Variants in PRR5L observed in about 807,000 individuals in gnomAD.
The protein encoded by PRR5L is proline rich 5 like, also known as proline-rich protein 5-like.
In PRR5L, 21 loss-of-function variants were observed where a neutral mutation model predicts 36.4. That is an observed-to-expected ratio of 0.58 (90% CI 0.41 to 0.83). The LOEUF is 0.83. Among genes scored for constraint, PRR5L ranks in the 40% least tolerant of loss-of-function variants. The pLI, the probability that PRR5L is intolerant of heterozygous loss-of-function variation, is 0.00. For missense variants in PRR5L, 381 were observed against 473.3 expected, an observed-to-expected ratio of 0.80 and a Z score of 1.81; for synonymous variants, 188 against 197.0, an observed-to-expected ratio of 0.95 and a Z score of 0.38.
chr11:36,326,492 CA>C (rs1856664294), intron 1 of PRR5L, among the ~76,000 whole-genome samples: 1 of 151,432 alleles, frequency 6.6e-6, no homozygotes, highest in African/African-American at 2.5e-5. Context: ...AGATCCAAAC[CA>C]AAATTACATT....
chr11:36,445,509 G>A (rs1240843366), intron 6 of PRR5L, among the ~76,000 whole-genome samples: 1 of 152,092 alleles, frequency 6.6e-6, no homozygotes, highest in Non-Finnish European at 1.5e-5. Context: ...AAAGGAGACT[G>A]AAAAGTGCAC....
rs541924176 is a variant in PRR5L at position 36,358,642 on chromosome 11, C to A, written c.-125-42355C>A. 7.9e-5 allele frequency among the ~76,000 whole-genome samples: 12 copies of A among 152,264 alleles called. No individual in the cohort carries two copies. The East Asian group carries it at 1.5e-3, about 20-fold the overall frequency. Reference sequence around the variant, plus strand: ...TCACTTTATTGCTATGGTCTGGAACCAAACCTGCAATATCTCCAAGGTACG... The same window carrying A: ...TCACTTTATTGCTATGGTCTGGAACAAAACCTGCAATATCTCCAAGGTACG... On this transcript the variant is annotated intron_variant, in intron 1 of 8. Coordinates refer to ENST00000530639, the MANE Select transcript of PRR5L (RefSeq NM_001160167.2).
chr11:36,360,637 G>C (rs1857077280), intron 1 of PRR5L, among the ~76,000 whole-genome samples: 1 of 152,244 alleles, frequency 6.6e-6, no homozygotes. Context: ...AAATGCATGT[G>C]TGTGTGTATG....
chr11:36,433,289 C>G (rs749275105), intron 5 of PRR5L, among the ~76,000 whole-genome samples: 1 of 152,052 alleles, frequency 6.6e-6, no homozygotes, highest in Non-Finnish European at 1.5e-5. Context: ...CGACAGCCAC[C>G]ATCTTATTTT....
intron 1 of PRR5L, among the ~76,000 whole-genome samples, chr11:36,384,082 T>C (rs1857416807): frequency 6.6e-6 from 1 of 152,230 alleles, no homozygotes; most frequent in Admixed American, 6.5e-5. Flanking sequence ...TGAAATGTGA[T>C]ATTTTCATCC....
intron 4 of PRR5L, among the ~76,000 whole-genome samples, chr11:36,428,951 A>G (rs1422829245): frequency 1.3e-5 from 2 of 152,212 alleles, no homozygotes; most frequent in Non-Finnish European, 2.9e-5. Flanking sequence ...GGTCTAAGCT[A>G]TAGAATTTCC....
intron 1 of PRR5L, among the ~76,000 whole-genome samples, chr11:36,369,894 G>A (rs1439943190): frequency 6.6e-6 from 1 of 152,204 alleles, no homozygotes; most frequent in East Asian, 1.9e-4. Flanking sequence ...ACCATGCCCA[G>A]CCTGCAACTC....
At chr11:36,331,594 C>A (rs1027770384) in intron 1 of PRR5L, among the ~76,000 whole-genome samples, 2 of 152,086 alleles carry the variant, frequency 1.3e-5, no homozygotes, top group Admixed American at 6.5e-5. Flanking sequence ...AAGAGCAGAA[C>A]AATAATCCAA....
chr11:36,301,610 C>T (rs976664393), intron 1 of PRR5L, among the ~76,000 whole-genome samples: 1 of 151,924 alleles, frequency 6.6e-6, no homozygotes, highest in African/African-American at 2.4e-5. Flanking sequence ...CATGGGGGGT[C>T]GGGGTGTTGT....
At chr11:36,327,851 T>A (rs555533592) in intron 1 of PRR5L, among the ~76,000 whole-genome samples, 18 of 152,306 alleles carry the variant, frequency 1.2e-4, no homozygotes, top group African/African-American at 4.3e-4. Flanking sequence ...CGGCACCCCC[T>A]GTCCCAACTT....
At chr11:36,451,721 T>C (rs1478439263) in intron 8 of PRR5L, among the ~76,000 whole-genome samples, 1 of 152,194 alleles carries the variant, frequency 6.6e-6, no homozygotes, top group Non-Finnish European at 1.5e-5. Flanking sequence ...CCTCCTGAGA[T>C]AGATTTCCCT....
intron 1 of PRR5L, among the ~76,000 whole-genome samples, chr11:36,351,547 ATATATATTTATATATT>A (rs1228146848): frequency 4.1e-4 from 3 of 7,396 alleles, no homozygotes; most frequent in Non-Finnish European, 7.4e-4. Flanking sequence ...ATATATATTT[ATATATATTTATATATT>A]TATATATTTA....
At chr11:36,418,758 T>C (rs1858201920) in intron 3 of PRR5L, among the ~76,000 whole-genome samples, 1 of 152,072 alleles carries the variant, frequency 6.6e-6, no homozygotes, top group Admixed American at 6.5e-5. Flanking sequence ...ATTGCGCCAC[T>C]GCACTCCAGC....
chr11:36,446,807 A>G (rs540315678), intron 7 of PRR5L, among the ~76,000 whole-genome samples: 6 of 152,330 alleles, frequency 3.9e-5, no homozygotes, highest in Non-Finnish European at 8.8e-5. Flanking sequence ...GAACTCCCTG[A>G]AAAGCTCCTA....
intron 1 of PRR5L, among the ~76,000 whole-genome samples, chr11:36,357,075 A>C (rs1431378042): frequency 2.0e-5 from 3 of 152,226 alleles, no homozygotes; most frequent in Admixed American, 6.5e-5. Flanking sequence ...TAATAATAAG[A>C]AGCAAAACAG....
intron 4 of PRR5L, among the ~76,000 whole-genome samples, chr11:36,426,876 C>G (rs1361540492): frequency 6.6e-6 from 1 of 152,208 alleles, no homozygotes; most frequent in Admixed American, 6.5e-5. Context: ...GTTCTTCCTG[C>G]TGGGAAGATG....
rs115892087 is a variant in PRR5L, at chr11:36,359,083, T to C, written c.-125-41914T>C. Reference sequence around the variant, plus strand: ...TTTATCTAATGCTAGGAGAACTGCATTTGAGTCCCAGTGCTGCCATTAAAT... The same window carrying C: ...TTTATCTAATGCTAGGAGAACTGCACTTGAGTCCCAGTGCTGCCATTAAAT... On this transcript the variant is annotated intron_variant, in intron 1 of 8. Transcript: ENST00000530639. 3.0e-3 allele frequency among the ~76,000 whole-genome samples: 462 copies of C among 152,308 alleles called. 5 individuals carry two copies. The highest frequency in any genetic ancestry group is 0.011 in the African/African-American group (439 of 41,554).
chr11:36,452,104 C>A (rs996816241), intron 8 of PRR5L, among the ~76,000 whole-genome samples: 3 of 152,164 alleles, frequency 2.0e-5, no homozygotes, highest in African/African-American at 7.2e-5. Context: ...CAGTTATTGT[C>A]TGAAATATAA....
chr11:36,386,934 T>C (rs1376845470), intron 1 of PRR5L, among the ~76,000 whole-genome samples: 1 of 152,192 alleles, frequency 6.6e-6, no homozygotes, highest in Non-Finnish European at 1.5e-5. Flanking sequence ...TGGTTGACAA[T>C]TGATTTGACC....
Sources: allele counts gnomAD v4.1 joint callset (sites outside exome capture counted in the v4.1 genomes callset), GRCh38; gene constraint gnomAD v4.1.1; transcripts MANE v1.5; gene names NCBI Gene and HGNC (gene_info 2026-07-23, HGNC 2026-07-21).